Variants in HIVEP2 observed in about 807,000 individuals in gnomAD.
The protein encoded by HIVEP2 is transcription factor HIVEP2.
A neutral mutation model predicts 180.7 loss-of-function variants in HIVEP2; 14 were observed. That is an observed-to-expected ratio of 0.08 (90% CI 0.05 to 0.12). The LOEUF is 0.12. Ranked by LOEUF, HIVEP2 falls within the 10% of genes least tolerant of loss-of-function variation. HIVEP2 has a pLI of 1.00. For synonymous variants in HIVEP2, 1,184 were observed against 1,136.4 expected (o/e 1.04, Z -0.84); for missense variants, 2,579 against 3,008.5 (o/e 0.86, Z 3.34).
intron 3 of HIVEP2, among the ~76,000 whole-genome samples, chr6:142,778,204 C>T (rs1228980976): frequency 6.6e-6 from 1 of 152,166 alleles, no homozygotes; most frequent in African/African-American, 2.4e-5. Context: ...TCTTTAGCAT[C>T]CCTCTGCAGG....
chr6:142,859,865 A>C (rs948903793), intron 1 of HIVEP2, among the ~76,000 whole-genome samples: 2 of 151,084 alleles, frequency 1.3e-5, no homozygotes, highest in Non-Finnish European at 2.9e-5. Flanking sequence ...GGAAAGAAAG[A>C]AAGAAAAAGA....
At chr6:142,905,177 A>G (rs1394414792) in intron 1 of HIVEP2, among the ~76,000 whole-genome samples, 1 of 152,188 alleles carries the variant, frequency 6.6e-6, no homozygotes, top group Non-Finnish European at 1.5e-5. Context: ...ATCTCTAAAT[A>G]AGAGTTAAGA....
rs1234185217 is a variant in HIVEP2, at chr6:142,752,535, A to G, written c.*572T>C. 6.5e-6 allele frequency: 1 copy of G among 153,238 alleles called. No homozygotes were observed. Among genetic ancestry groups the G allele is most frequent in the Non-Finnish European group, 1.5e-5 (1 of 68,484 alleles). 9.5% of individuals were successfully genotyped at this position (153,238 alleles called of 1,614,324 possible). Reference sequence around the variant, plus strand: ...TGTTTACAATGTACATTTTTGTTCTAGTTACGCAACAGTAAATCCCATGCT... The same window carrying G: ...TGTTTACAATGTACATTTTTGTTCTGGTTACGCAACAGTAAATCCCATGCT... On this transcript the variant is annotated 3_prime_UTR_variant, in exon 10 of 10. Transcript: ENST00000367603.
At chr6:142,902,944 A>AG (rs1376910371) in intron 1 of HIVEP2, among the ~76,000 whole-genome samples, 1 of 152,214 alleles carries the variant, frequency 6.6e-6, no homozygotes, top group Non-Finnish European at 1.5e-5. Flanking sequence ...TGTTGGAGAC[A>AG]GGGGGGTGAG....
rs527455258 is a variant in HIVEP2 at position 142,887,759 on chromosome 6, A to G, written c.-640-50712T>C. Among the ~76,000 whole-genome samples the G allele has an allele frequency of 1.1e-4, 17 of 152,316 alleles. No homozygotes were observed. The South Asian group carries it at 3.1e-3, about 28-fold the overall frequency. ...TTAAATCTGTGAGATCATTTCCTGC[A>G]TTGTCTCCTCCAATGAAGAAGTTAA... On this transcript the variant is annotated intron_variant, in intron 1 of 9. Coordinates refer to ENST00000367603, the MANE Select transcript of HIVEP2 (RefSeq NM_006734.4).
chr6:142,915,731 T>G (rs1777535587), intron 1 of HIVEP2, among the ~76,000 whole-genome samples: 1 of 152,002 alleles, frequency 6.6e-6, no homozygotes, highest in Non-Finnish European at 1.5e-5. Context: ...AGCCCCACAC[T>G]CTCTTTTCGT....
intron 1 of HIVEP2, among the ~76,000 whole-genome samples, chr6:142,895,633 A>G (rs1340842904): frequency 6.6e-6 from 1 of 152,174 alleles, no homozygotes; most frequent in Non-Finnish European, 1.5e-5. Context: ...TGCTAGTTTT[A>G]TAAAAACATA....
At chr6:142,818,317 T>C (rs187031786) in intron 2 of HIVEP2, among the ~76,000 whole-genome samples, 60 of 152,298 alleles carry the variant, frequency 3.9e-4, no homozygotes, top group Admixed American at 3.9e-3. Context: ...AATTACCTCT[T>C]ACGAAATATT....
At chr6:142,833,885 T>C (rs1483293128) in intron 2 of HIVEP2, among the ~76,000 whole-genome samples, 1 of 152,168 alleles carries the variant, frequency 6.6e-6, no homozygotes, top group Non-Finnish European at 1.5e-5. Context: ...ACATAAATAC[T>C]GATAGCCTCT....
chr6:142,857,589 C>T (rs1775856587), intron 1 of HIVEP2, among the ~76,000 whole-genome samples: 1 of 152,216 alleles, frequency 6.6e-6, no homozygotes, highest in Non-Finnish European at 1.5e-5. Flanking sequence ...AAAAACAACC[C>T]TCTTTGCAAT....
intron 5 of HIVEP2, 59 bp downstream of exon 5, chr6:142,769,493 T>C (rs1462690456): frequency 1.4e-6 from 2 of 1,426,310 alleles, no homozygotes; most frequent in Non-Finnish European, 2.0e-6. Flanking sequence ...CTTCACTATG[T>C]AGTCTGCTCA....
chr6:142,872,209 T>C (rs1776306927), intron 1 of HIVEP2, among the ~76,000 whole-genome samples: 1 of 152,316 alleles, frequency 6.6e-6, no homozygotes, highest in South Asian at 2.1e-4. Context: ...AGTGAGTATA[T>C]AACTTGGGAA....
At chr6:142,874,534 T>C (rs191466511) in intron 1 of HIVEP2, among the ~76,000 whole-genome samples, 2 of 152,094 alleles carry the variant, frequency 1.3e-5, no homozygotes, top group African/African-American at 2.4e-5. Context: ...ACCAAGGAGG[T>C]TCAAAAGAGT....
intron 1 of HIVEP2, among the ~76,000 whole-genome samples, chr6:142,923,105 C>CG (rs1211041774): frequency 2.0e-5 from 3 of 152,006 alleles, no homozygotes; most frequent in Non-Finnish European, 4.4e-5. Context: ...GAGGCCAAGG[C>CG]GGGTGGATCA....
intron 1 of HIVEP2, among the ~76,000 whole-genome samples, chr6:142,915,131 T>A (rs1227064073): frequency 2.0e-5 from 3 of 152,196 alleles, no homozygotes; most frequent in Non-Finnish European, 4.4e-5. Context: ...CTGCTTCCCC[T>A]GGAGAGCCTT....
At chr6:142,855,647 T>G (rs184757921) in intron 1 of HIVEP2, among the ~76,000 whole-genome samples, 73 of 152,308 alleles carry the variant, frequency 4.8e-4, no homozygotes, top group African/African-American at 1.7e-3. Flanking sequence ...GAGATAGGTT[T>G]TGTTCATGGA....
At chr6:142,933,033 T>C (rs998727227) in intron 1 of HIVEP2, among the ~76,000 whole-genome samples, 4 of 152,122 alleles carry the variant, frequency 2.6e-5, no homozygotes, top group Non-Finnish European at 5.9e-5. Flanking sequence ...TGTATCACAA[T>C]GAAAGGAAGA....
intron 1 of HIVEP2, among the ~76,000 whole-genome samples, chr6:142,893,406 T>C (rs1776908803): frequency 6.6e-6 from 1 of 152,246 alleles, no homozygotes; most frequent in Non-Finnish European, 1.5e-5. Flanking sequence ...TTGAAAAATT[T>C]GATAATCTAT....
Position 142,751,868 on chromosome 6 carries a change from C to T in HIVEP2, c.*1239G>A, listed in dbSNP as rs536878792. Reference sequence around the variant, plus strand: ...ATGTTAACCCTGTTCCCATGTAAACCGGCTGACAGGAAGAGCTGGGGAGCA... The same window carrying T: ...ATGTTAACCCTGTTCCCATGTAAACTGGCTGACAGGAAGAGCTGGGGAGCA... On this transcript the variant is annotated 3_prime_UTR_variant, in exon 10 of 10. Transcript: ENST00000367603. The T allele has an allele frequency of 3.9e-5, 6 of 152,938 alleles. No individual in the cohort carries two copies. The highest frequency in any genetic ancestry group is 2.1e-4 in the South Asian group (1 of 4,836). 9.5% of individuals were successfully genotyped at this position (152,938 alleles called of 1,614,324 possible).
Sources: gnomAD v4.1 joint callset for allele counts (sites outside exome capture counted in the v4.1 genomes callset) on GRCh38, gnomAD v4.1.1 for gene constraint, MANE v1.5 for transcripts, NCBI Gene and HGNC (gene_info 2026-07-23, HGNC 2026-07-21) for gene names.